The following TEAD4 variants were observed in gnomAD, a reference collection of about 807,000 sequenced individuals.
TEAD4 encodes the protein transcriptional enhancer factor TEF-3.
In TEAD4, 36 loss-of-function variants were observed where a neutral mutation model predicts 52.4. The observed-to-expected ratio is 0.69, with a 90% CI of 0.53 to 0.91. The LOEUF (loss-of-function observed/expected upper bound fraction) is 0.91, where lower values mean the gene tolerates loss of function less well. Among genes scored for constraint, TEAD4 ranks in the 40% least tolerant of loss-of-function variants. The probability of loss-of-function intolerance (pLI) is 0.00; values close to 1 mark genes in which losing one functional copy is unlikely to be tolerated. For synonymous variants in TEAD4, 220 were observed against 231.0 expected, an observed-to-expected ratio of 0.95 and a Z score of 0.43; for missense variants, 508 against 583.9, an observed-to-expected ratio of 0.87 and a Z score of 1.34.
At chr12:2,977,409 A>G (rs549483623) in intron 2 of TEAD4, among the ~76,000 whole-genome samples, 82 of 151,958 alleles carry the variant, frequency 5.4e-4, no homozygotes, top group African/African-American at 1.9e-3. Context: ...TTTTGTTCCA[A>G]CATCTCCTTA....
rs972673576 is a variant in TEAD4 at position 2,959,851 on chromosome 12, G to T, written c.-122-97G>T. 3 of 151,588 alleles carry T rather than the reference G, an allele frequency of 2.0e-5. No homozygotes were observed. The highest frequency in any genetic ancestry group is 7.3e-5 in the African/African-American group (3 of 41,360). The allele number at this position is 151,588 out of a possible 1,614,324, so 9.4% of individuals were successfully genotyped here. ...TGGGCGCACCGGGGCCGGTCGGCGC[G>T]GGGTGGGCTTGGCCCCGCGGCCCCG... is the stretch of plus-strand genomic sequence containing the variant. On this transcript the variant is annotated intron_variant, in intron 1 of 12. Coordinates refer to ENST00000359864, the MANE Select transcript of TEAD4 (RefSeq NM_003213.4). This position sits in a 1 kb window ranked among gnomAD's most constrained non-coding sequence, Gnocchi z 5.1.
In TEAD4 at chr12:3,017,421, C is replaced by T; in HGVS notation, c.378C>T (p.Ala126=). The T allele has an allele frequency of 2.5e-6, 4 of 1,614,136 alleles. No individual in the cohort carries two copies. Among genetic ancestry groups the T allele is most frequent in the Non-Finnish European group, 3.4e-6 (4 of 1,180,028 alleles). ...AGGACCAGGCAGCTAAGGACAAGGCCCTGCAGAGCATGGCTGCCATGTCGT... is the reference window on the plus strand; with the variant it reads ...AGGACCAGGCAGCTAAGGACAAGGCTCTGCAGAGCATGGCTGCCATGTCGT... The change falls in exon 6 of 13, where the codon GCC becomes GCT. Residue 126 remains alanine (A), a synonymous_variant. Coordinates refer to ENST00000359864, the MANE Select transcript of TEAD4 (RefSeq NM_003213.4).
intron 2 of TEAD4, among the ~76,000 whole-genome samples, chr12:2,984,231 C>T (rs1227092107): frequency 6.6e-6 from 1 of 152,156 alleles, no homozygotes; most frequent in African/African-American, 2.4e-5. Context: ...TAGAAAATCC[C>T]ATCATGGAGT....
At chr12:2,965,900 C>T (rs1427166297) in intron 2 of TEAD4, among the ~76,000 whole-genome samples, 1 of 152,042 alleles carries the variant, frequency 6.6e-6, no homozygotes, top group Non-Finnish European at 1.5e-5. Context: ...CTTGCTCTGT[C>T]ACCCAGGATG....
chr12:3,020,049 G>C (rs1200120638), intron 8 of TEAD4, among the ~76,000 whole-genome samples: 1 of 152,170 alleles, frequency 6.6e-6, no homozygotes, highest in East Asian at 1.9e-4. Context: ...TCACGGTGTT[G>C]CTTCCAGGTT....
At chr12:3,020,542 G>A in intron 8 of TEAD4, 92 bp from the exon 9 acceptor site, 1 of 1,394,914 alleles carries the variant, frequency 7.2e-7, no homozygotes, top group Non-Finnish European at 9.4e-7. Context: ...GGCAGCACGG[G>A]TCTGTCCGAG....
intron 2 of TEAD4, among the ~76,000 whole-genome samples, chr12:2,962,710 T>C (rs900696491): frequency 1.3e-5 from 2 of 152,098 alleles, no homozygotes; most frequent in Non-Finnish European, 2.9e-5. Flanking sequence ...CCTCAGGTGA[T>C]CCGCCTCGGC....
In TEAD4 at chr12:3,007,047, G is replaced by A. The variant is rs7953613; in HGVS notation, c.227-3957G>A. On this transcript the variant is annotated intron_variant, in intron 3 of 12. Coordinates refer to ENST00000359864, the MANE Select transcript of TEAD4 (RefSeq NM_003213.4). ...CTCAAAACAAAACAAAAAAGAAGACGGCTGAGCTTGCCTTAGACCCCTTGG... is the reference window on the plus strand; with the variant it reads ...CTCAAAACAAAACAAAAAAGAAGACAGCTGAGCTTGCCTTAGACCCCTTGG... 4.0e-3 allele frequency among the ~76,000 whole-genome samples: 611 copies of A among 152,114 alleles called. 2 individuals carry two copies. Among genetic ancestry groups the A allele is most frequent in the African/African-American group, 0.014 (597 of 41,512 alleles).
intron 2 of TEAD4, among the ~76,000 whole-genome samples, chr12:2,985,695 G>A (rs1332608166): frequency 6.6e-6 from 1 of 151,306 alleles, no homozygotes; most frequent in African/African-American, 2.4e-5. Context: ...TAGTAGAGAC[G>A]GGGTTTCAGC....
chr12:3,017,568 C>T (rs2098265516), intron 6 of TEAD4, 42 bp downstream of exon 6: 3 of 1,568,924 alleles, frequency 1.9e-6, no homozygotes, highest in Non-Finnish European at 2.6e-6. Context: ...CCAGCCCTCT[C>T]CTCCTCCCTC....
intron 10 of TEAD4, among the ~76,000 whole-genome samples, chr12:3,034,231 G>A (rs1197312166): frequency 6.6e-6 from 1 of 152,166 alleles, no homozygotes; most frequent in East Asian, 1.9e-4. Context: ...GATGACAGAA[G>A]AGTGTATCTG....
At position 3,038,469 on chromosome 12, in the gene TEAD4, C is replaced by T. The variant is rs75706261; in HGVS notation, c.1038+361C>T. On this transcript the variant is annotated intron_variant, in intron 11 of 12. Coordinates refer to ENST00000359864, the MANE Select transcript of TEAD4 (RefSeq NM_003213.4). Reference sequence around the variant, plus strand: ...GAGCGGAGGCCTCCCACCAATCGCCCGCACATGGTCACACAGCTCATTAGT... The same window carrying T: ...GAGCGGAGGCCTCCCACCAATCGCCTGCACATGGTCACACAGCTCATTAGT... 5.2e-3 allele frequency among the ~76,000 whole-genome samples: 790 copies of T among 152,328 alleles called. 5 individuals carry two copies. The highest frequency in any genetic ancestry group is 9.3e-3 in the South Asian group (45 of 4,832).
intron 10 of TEAD4, among the ~76,000 whole-genome samples, chr12:3,030,770 C>T (rs368159042): frequency 1.2e-4 from 18 of 152,124 alleles, no homozygotes; most frequent in Admixed American, 1.2e-3. Context: ...GGTCGGCAGT[C>T]GCTGTTTGGA....
intron 10 of TEAD4, among the ~76,000 whole-genome samples, chr12:3,028,503 G>A (rs2098273427): frequency 6.6e-6 from 1 of 152,196 alleles, no homozygotes; most frequent in Admixed American, 6.5e-5. Flanking sequence ...CCTAGCAAAT[G>A]TGAAGTGGTA....
intron 3 of TEAD4, among the ~76,000 whole-genome samples, chr12:3,005,266 G>A (rs2098254910): frequency 6.6e-6 from 1 of 151,542 alleles, no homozygotes; most frequent in African/African-American, 2.4e-5. Context: ...GTTAGATGGG[G>A]AAATGTTTTT....
intron 2 of TEAD4, among the ~76,000 whole-genome samples, chr12:2,970,719 G>A (rs2098224321): frequency 6.6e-6 from 1 of 152,186 alleles, no homozygotes; most frequent in Non-Finnish European, 1.5e-5. Context: ...AGTGAGAAAT[G>A]ACAGCATCCT....
chr12:2,985,309 T>C (rs1047437494), intron 2 of TEAD4, among the ~76,000 whole-genome samples: 1 of 151,176 alleles, frequency 6.6e-6, no homozygotes, highest in Non-Finnish European at 1.5e-5. Context: ...GGCATGAGCC[T>C]GGGAGGTGGA....
intron 10 of TEAD4, among the ~76,000 whole-genome samples, chr12:3,029,328 C>T (rs568572921): frequency 1.2e-3 from 176 of 150,948 alleles, no homozygotes; most frequent in Non-Finnish European, 2.2e-3. Flanking sequence ...AGCTCCGCCT[C>T]CCGGGTTCAC....
chr12:3,024,690 A>C (rs1180115551), intron 10 of TEAD4, among the ~76,000 whole-genome samples: 1 of 152,144 alleles, frequency 6.6e-6, no homozygotes, highest in Admixed American at 6.5e-5. Context: ...CAAAAGTACA[A>C]AGAGTCAAGA....
Sources: gnomAD v4.1 joint callset for allele counts (sites outside exome capture counted in the v4.1 genomes callset) on GRCh38, gnomAD v4.1.1 for gene constraint, Gnocchi (gnomAD v3.1) non-coding constraint, MANE v1.5 for transcripts, NCBI Gene and HGNC (gene_info 2026-07-23, HGNC 2026-07-21) for gene names.